The following NME9 variants were observed in gnomAD, a reference collection of about 807,000 sequenced individuals.
NME9 encodes thioredoxin domain-containing protein 6.
In NME9, 48 loss-of-function variants were observed where a neutral mutation model predicts 44.4. The observed-to-expected ratio is 1.08, with a 90% CI of 0.86 to 1.37. The LOEUF (loss-of-function observed/expected upper bound fraction) is 1.37. Among genes scored for constraint, NME9 ranks in the 40% most tolerant of loss-of-function variants. NME9 has a pLI of 0.00. For missense variants in NME9, 325 were observed against 405.2 expected (o/e 0.80, Z 1.70); for synonymous variants, 139 against 147.1 (o/e 0.94, Z 0.40).
chr3:138,285,702 C>T (rs758564055), intron 8 of NME9, among the ~76,000 whole-genome samples: 2 of 152,160 alleles, frequency 1.3e-5, no homozygotes, highest in Admixed American at 6.5e-5. Flanking sequence ...TTTACCACAG[C>T]GTAAGTTCCA....
intron 6 of NME9, among the ~76,000 whole-genome samples, chr3:138,307,248 T>C (rs970020822): frequency 6.6e-6 from 1 of 152,212 alleles, no homozygotes; most frequent in Admixed American, 6.5e-5. Context: ...CCAGTCCAAT[T>C]AGCTATGACA....
rs551714612 is a variant in NME9 at position 138,273,822 on chromosome 3, T to C, written c.746-11236A>G. Reference sequence around the variant, plus strand: ...CCAGTCCATTTTTTATGCTTCCCCCTTTTTTTTTTTTTGAGACAGAGTCTT... The same window carrying C: ...CCAGTCCATTTTTTATGCTTCCCCCCTTTTTTTTTTTTGAGACAGAGTCTT... On this transcript the variant is annotated intron_variant, in intron 8 of 8. Coordinates refer to the NME9 transcript ENST00000317876. Among the ~76,000 whole-genome samples the C allele has an allele frequency of 2.6e-3, 354 of 138,648 alleles. 1 individual carries two copies. The highest frequency in any genetic ancestry group is 6.5e-3 in the East Asian group (32 of 4,936). The allele number at this position is 138,648 out of a possible 152,430, so 91.0% of individuals were successfully genotyped here. A position where few individuals can be genotyped will look rare whatever the true frequency, so the allele number is the denominator to read the frequency against.
intron 8 of NME9, among the ~76,000 whole-genome samples, chr3:138,279,440 C>A (rs547597030): frequency 2.6e-5 from 4 of 152,170 alleles, no homozygotes; most frequent in African/African-American, 4.8e-5. Flanking sequence ...TTGTTAGATT[C>A]AATTTACTGA....
chr3:138,298,659 C>G (rs1373033524), downstream of NME9, among the ~76,000 whole-genome samples: 1 of 152,144 alleles, frequency 6.6e-6, no homozygotes, highest in Non-Finnish European at 1.5e-5. Flanking sequence ...AATATCATGT[C>G]CACCCCCTCC....
rs1481005472 is a variant in NME9 at position 138,328,132 on chromosome 3, C to T, written c.33+1171G>A. Among the ~76,000 whole-genome samples the T allele has an allele frequency of 2.6e-5, 4 of 152,250 alleles. No homozygotes were observed. The East Asian group carries it at 7.7e-4, about 29-fold the overall frequency. ...GAATTTACTTCAACCAGAACATTCA[C>T]GTATGAAGTGGCTTCTGACTCTAGA... On this transcript the variant is annotated intron_variant, in intron 1 of 10. Transcript: ENST00000333911.
chr3:138,315,784 C>T (rs1331286989), intron 4 of NME9, 141 bp from the exon 5 acceptor site: 1 of 639,048 alleles, frequency 1.6e-6, no homozygotes, highest in African/African-American at 1.8e-5. Context: ...TTCTGCTGCC[C>T]TCCCTTGGCA....
chr3:138,328,560 G>C (rs1336566574), intron 1 of NME9, among the ~76,000 whole-genome samples: 8 of 152,142 alleles, frequency 5.3e-5, no homozygotes, highest in African/African-American at 9.7e-5. Flanking sequence ...GCCAGCTGAT[G>C]ATGAGGCATT....
intron 1 of NME9, among the ~76,000 whole-genome samples, chr3:138,325,268 C>A (rs1302791581): frequency 6.6e-6 from 1 of 152,160 alleles, no homozygotes; most frequent in Non-Finnish European, 1.5e-5. Context: ...TGTTTTCACT[C>A]AGTATCAGAA....
At chr3:138,305,943 G>T in intron 8 of NME9, 61 bp downstream of exon 8, 1 of 1,086,792 alleles carries the variant, frequency 9.2e-7, no homozygotes, top group Non-Finnish European at 1.4e-6. Context: ...CAATCTATAA[G>T]CATAATGTTG....
In NME9 at chr3:138,285,424, CCT is replaced by C. The variant is rs147965725; in HGVS notation, c.745+18081_745+18082del. 4.1e-3 allele frequency among the ~76,000 whole-genome samples: 630 copies of C among 152,272 alleles called. 2 individuals are homozygous for C. The highest frequency in any genetic ancestry group is 0.014 in the African/African-American group (594 of 41,560). The stretch of plus-strand genomic sequence containing the variant: ...ATTCATATCCCCAACTTATCTTATT[CCT>C]CTCTTCCTTTGTTCACTACACTGGC... On this transcript the variant is annotated intron_variant, in intron 8 of 8. Transcript: ENST00000317876.
rs1174317998 is a variant in NME9, at chr3:138,315,584, G to A, written c.327C>T (p.Ile109=). The change falls in exon 5 of 11, where the codon ATC becomes ATT. Residue 109 remains isoleucine (I), a synonymous_variant. Transcript: ENST00000333911. ...GANAPLLQKT[I]LDQLEAEKKV... is the part of the protein sequence containing the mutation. ...TCTTTTCGGCCTCCAGCTGGTCTAGGATGGTTTTCTGCAGCAGTGGGGCAT... is the reference window on the plus strand; with the variant it reads ...TCTTTTCGGCCTCCAGCTGGTCTAGAATGGTTTTCTGCAGCAGTGGGGCAT... 5 of 1,536,696 alleles carry A rather than the reference G, an allele frequency of 3.3e-6. No individual in the cohort carries two copies. In the South Asian group the frequency reaches 5.9e-5, roughly 18 times the overall value.
chr3:138,265,592 C>G (rs939350298), intron 8 of NME9, among the ~76,000 whole-genome samples: 1 of 152,074 alleles, frequency 6.6e-6, no homozygotes, highest in African/African-American at 2.4e-5. Flanking sequence ...ACCATTCAGG[C>G]AGGAAGAATA....
chr3:138,284,358 C>T (rs1161019943), intron 8 of NME9: 4 of 1,160,612 alleles, frequency 3.4e-6, no homozygotes, highest in Admixed American at 1.8e-5. Context: ...TGAAAAATTG[C>T]CCAAGCTCTT....
At chr3:138,286,157 G>T (rs2050389229) in intron 8 of NME9, among the ~76,000 whole-genome samples, 1 of 152,104 alleles carries the variant, frequency 6.6e-6, no homozygotes, top group African/African-American at 2.4e-5. Context: ...TGGCCAGGCT[G>T]GTCTCAAACT....
downstream of NME9, chr3:138,297,442 G>A (rs2051582769): frequency 2.0e-5 from 3 of 152,318 alleles, no homozygotes; most frequent in East Asian, 1.9e-4. Context: ...GAAGCTTGCG[G>A]TGAGTGTGTG....
At chr3:138,277,304 G>T (rs1381785166) in intron 8 of NME9, among the ~76,000 whole-genome samples, 1 of 152,174 alleles carries the variant, frequency 6.6e-6, no homozygotes, top group Admixed American at 6.5e-5. Flanking sequence ...ATAAAACTTA[G>T]AGAGAAAATG....
At chr3:138,291,294 C>A (rs962246708) in intron 8 of NME9, among the ~76,000 whole-genome samples, 2 of 152,222 alleles carry the variant, frequency 1.3e-5, no homozygotes, top group Admixed American at 6.5e-5. Flanking sequence ...TCTGGCTCTG[C>A]CTTTCTCATC....
At chr3:138,289,489 G>T (rs569767550) in intron 8 of NME9, among the ~76,000 whole-genome samples, 1 of 152,288 alleles carries the variant, frequency 6.6e-6, no homozygotes, top group Admixed American at 6.5e-5. Flanking sequence ...CACATATGAG[G>T]ACTACAGGCA....
chr3:138,319,742 G>A (rs2053346095), intron 2 of NME9, among the ~76,000 whole-genome samples, 161 bp from the exon 3 acceptor site: 1 of 152,134 alleles, frequency 6.6e-6, no homozygotes, highest in Non-Finnish European at 1.5e-5. Flanking sequence ...TATAAGCCAG[G>A]GTGGAAACAC....
Sources: allele counts gnomAD v4.1 joint callset (sites outside exome capture counted in the v4.1 genomes callset), GRCh38; gene constraint gnomAD v4.1.1; transcripts MANE v1.5; gene names NCBI Gene and HGNC (gene_info 2026-07-23, HGNC 2026-07-21).